The following COL16A1 variants were observed in gnomAD, a reference collection of about 807,000 sequenced individuals.
The protein encoded by COL16A1 is collagen type XVI alpha 1 chain.
COL16A1 carries 189 observed loss-of-function variants against 266.3 expected under a neutral mutation model. The observed-to-expected ratio is 0.71, with a 90% confidence interval of 0.63 to 0.80. The LOEUF is 0.80. Among genes scored for constraint, COL16A1 ranks in the 30% least tolerant of loss-of-function variants. The pLI, the probability that COL16A1 is intolerant of heterozygous loss-of-function variation, is 0.00. For synonymous variants in COL16A1, 740 were observed against 782.3 expected (o/e 0.95, Z 0.90); for missense variants, 1,928 against 2,122.4 (o/e 0.91, Z 1.80).
At chr1:31,655,576 C>T in intron 66 of COL16A1, 74 bp from the exon 67 acceptor site, 8 of 1,580,252 alleles carry the variant, frequency 5.1e-6, no homozygotes, top group African/African-American at 1.3e-5. Context: ...TCTCTCCACC[C>T]TCCCACCAGG....
At chr1:31,661,507 C>T (rs1286045852) in intron 59 of COL16A1, 49 bp from the exon 60 acceptor site, 3 of 1,613,414 alleles carry the variant, frequency 1.9e-6, no homozygotes, top group Non-Finnish European at 2.5e-6. Flanking sequence ...CAGCTGGGGG[C>T]CTCTTCCCAC....
At position 31,653,985 on chromosome 1, in the gene COL16A1, C is replaced by G. The variant is rs775193676; in HGVS notation, c.4416G>C (p.Pro1472=). The change falls in exon 69 of 71, where the codon CCG becomes CCC. Residue 1472 remains proline, a synonymous_variant. Transcript: ENST00000373672. Reference sequence around the variant, plus strand: ...CCTTCCCTGGAGGCCCTGGTCGTCCCGGAGCTGCCGCCATCTCCATGGGGA... The same window carrying G: ...CCTTCCCTGGAGGCCCTGGTCGTCCGGGAGCTGCCGCCATCTCCATGGGGA... The part of the protein sequence containing the change: ...MQFPMEMAAA[P]GRPGPPGKDG... The G allele has an allele frequency of 1.9e-5, 30 of 1,614,090 alleles. No homozygotes were observed. Among genetic ancestry groups the G allele is most frequent in the Non-Finnish European group, 2.4e-5 (28 of 1,180,048 alleles).
intron 37 of COL16A1, among the ~76,000 whole-genome samples, chr1:31,682,347 C>T (rs1438412107): frequency 6.6e-6 from 1 of 152,052 alleles, no homozygotes; most frequent in African/African-American, 2.4e-5. Context: ...GGATCTGTGC[C>T]GTCTGATACA....
At position 31,671,599 on chromosome 1, in the gene COL16A1, CA is replaced by C; in HGVS notation, c.3150+15del. ...TGAGAGCTTCTCAAGCAGACCAGGG[CA>C]CCACTGATACTTACGATAGGGCCTG... On this transcript the variant is annotated intron_variant, in intron 48 of 70. Coordinates refer to ENST00000373672, the MANE Select transcript of COL16A1 (RefSeq NM_001856.4). 1 of 1,614,014 alleles carries C rather than the reference CA, an allele frequency of 6.2e-7. No individual in the cohort carries two copies. Among genetic ancestry groups the C allele is most frequent in the Non-Finnish European group, 8.5e-7 (1 of 1,179,998 alleles).
At chr1:31,667,291 G>A (rs1295149747) in intron 52 of COL16A1, among the ~76,000 whole-genome samples, 1 of 152,188 alleles carries the variant, frequency 6.6e-6, no homozygotes, top group Non-Finnish European at 1.5e-5. Flanking sequence ...GGGTGGCTCT[G>A]GGGAGCTGGG....
intron 68 of COL16A1, 138 bp downstream of exon 68, chr1:31,654,654 C>G: frequency 6.7e-7 from 1 of 1,496,700 alleles, no homozygotes; most frequent in Non-Finnish European, 9.0e-7. Flanking sequence ...ATCTGCCTGT[C>G]AACCCCAGGC....
At position 31,696,178 on chromosome 1, in the gene COL16A1, G is replaced by C. The variant is rs753170556; in HGVS notation, c.865-37C>G. On this transcript the variant is annotated intron_variant, in intron 8 of 70. Transcript: ENST00000373672. ...GAGCAAAGAGAAACCCTTGAGGAGGGGGAAGTTCTGGGGTCCAGGCTGGAA... is the reference window on the plus strand; with the variant it reads ...GAGCAAAGAGAAACCCTTGAGGAGGCGGAAGTTCTGGGGTCCAGGCTGGAA... The C allele has an allele frequency of 8.1e-6, 13 of 1,600,018 alleles. No individual in the cohort carries two copies. In the South Asian group the frequency reaches 1.3e-4, roughly 16 times the overall value.
chr1:31,671,394 A>G (rs74063948), intron 48 of COL16A1, among the ~76,000 whole-genome samples: 8,643 of 152,234 alleles, frequency 0.057, 843 homozygotes, highest in African/African-American at 0.2. Flanking sequence ...ACCTCCCCTA[A>G]GCAGGACCGC....
intron 26 of COL16A1, among the ~76,000 whole-genome samples, chr1:31,687,381 C>CCAA (rs538200951): frequency 1.7e-5 from 1 of 59,784 alleles, no homozygotes; most frequent in African/African-American, 5.8e-5. Context: ...GACTCAGTCT[C>CCAA]AAAAAAAAAA....
At chr1:31,701,179 T>C (rs1387464985) in intron 2 of COL16A1, among the ~76,000 whole-genome samples, 1 of 152,122 alleles carries the variant, frequency 6.6e-6, no homozygotes, top group Non-Finnish European at 1.5e-5. Flanking sequence ...CTCCCCCAGG[T>C]CTGGTCAGAA....
In COL16A1 at chr1:31,668,237, A is replaced by G; in HGVS notation, c.3250-19T>C. 6.2e-7 allele frequency: 1 copy of G among 1,613,214 alleles called. No individual in the cohort carries two copies. The highest frequency in any genetic ancestry group is 8.5e-7 in the Non-Finnish European group (1 of 1,179,368). On this transcript the variant is annotated intron_variant, in intron 50 of 70. Coordinates refer to ENST00000373672, the MANE Select transcript of COL16A1 (RefSeq NM_001856.4). This position sits in a 1 kb window ranked among gnomAD's most constrained non-coding sequence, Gnocchi z 5.8. The stretch of plus-strand genomic sequence containing the variant: ...GAGGACCCTGCAAAGAAAGGCAGAC[A>G]TGATGGATAGCCCCCCAACATTTCT...
chr1:31,699,180 C>T (rs1644625181), intron 4 of COL16A1, among the ~76,000 whole-genome samples: 1 of 152,170 alleles, frequency 6.6e-6, no homozygotes. Flanking sequence ...GCACTGCCTG[C>T]CTTCATGGAG....
Position 31,685,563 on chromosome 1 carries a change from C to A in COL16A1, c.2016+76G>T. ...CAACTGCCCAGGGAGTCAAGAGACC[C>A]AGGCAGGACCCCTCCCCTCTCCTTA... On this transcript the variant is annotated intron_variant, in intron 29 of 70. Transcript: ENST00000373672. This position sits in a 1 kb window ranked among gnomAD's most constrained non-coding sequence, Gnocchi z 4.0. 6.5e-7 allele frequency: 1 copy of A among 1,530,336 alleles called. No homozygotes were observed. The highest frequency in any genetic ancestry group is 8.9e-7 in the Non-Finnish European group (1 of 1,128,348). The allele number at this position is 1,530,336 out of a possible 1,614,324, so 94.8% of individuals were successfully genotyped here.
chr1:31,665,510 C>A, intron 55 of COL16A1, 73 bp downstream of exon 55: 2 of 1,613,056 alleles, frequency 1.2e-6, no homozygotes, highest in Non-Finnish European at 1.7e-6. Flanking sequence ...CTACCCCAGC[C>A]TGGCCTGGTC....
rs778092710 is a variant in COL16A1 at position 31,667,562 on chromosome 1, C to A, written c.3357+13G>T. On this transcript the variant is annotated intron_variant, in intron 52 of 70. Transcript: ENST00000373672. ...TGCAGCCCTGCATCCAGCCCCACGC[C>A]GCTGGGACTCACCGGCTCTCCTTTC... The A allele has an allele frequency of 3.8e-6, 6 of 1,586,746 alleles. No individual in the cohort carries two copies. The highest frequency in any genetic ancestry group is 2.0e-4 in the Middle Eastern group (1 of 5,026).
rs144935446 is a variant in COL16A1 at position 31,664,267 on chromosome 1, C to T, written c.3555+905G>A. ...GGCTCTGGGGAGGTAGTGAGGTGCC[C>T]GGGTCCTCCTGGAGCTGGGAAGGAA... On this transcript the variant is annotated intron_variant, in intron 56 of 70. Coordinates refer to ENST00000373672, the MANE Select transcript of COL16A1 (RefSeq NM_001856.4). This position sits in a 1 kb window ranked among gnomAD's most constrained non-coding sequence, Gnocchi z 5.5. Among the ~76,000 whole-genome samples the T allele has an allele frequency of 7.1e-4, 108 of 152,250 alleles. 1 individual carries two copies. The highest frequency in any genetic ancestry group is 2.4e-3 in the African/African-American group (100 of 41,556).
chr1:31,662,671 G>GCCCCCCC lies in COL16A1; in HGVS notation c.3556-14_3556-13insGGGGGGG. 2.7e-6 allele frequency: 4 copies of GCCCCCCC among 1,463,432 alleles called. No individual in the cohort carries two copies. Among genetic ancestry groups the GCCCCCCC allele is most frequent in the Non-Finnish European group, 2.7e-6 (3 of 1,102,258 alleles). 90.7% of individuals were successfully genotyped at this position (1,463,432 alleles called of 1,614,324 possible). A position where few individuals can be genotyped will look rare whatever the true frequency, so the allele number is the denominator to read the frequency against. ...TCCCTTCGCTGCCCTGGAAACCAGC[G>GCCCCCCC]CCGCCCCCCCCCCCCGCCCCACAAT... On this transcript the variant is annotated splice_polypyrimidine_tract_variant and intron_variant, in intron 56 of 70. Coordinates refer to ENST00000373672, the MANE Select transcript of COL16A1 (RefSeq NM_001856.4).
chr1:31,653,423 C>T (rs1410760657), intron 70 of COL16A1, 176 bp downstream of exon 70: 10 of 723,978 alleles, frequency 1.4e-5, no homozygotes, highest in Non-Finnish European at 2.0e-5. Flanking sequence ...GAGTCTTCCG[C>T]CCCCACATCC....
chr1:31,696,913 A>G (rs745531960), intron 8 of COL16A1, 50 bp downstream of exon 8: 1 of 1,608,878 alleles, frequency 6.2e-7, no homozygotes, highest in African/African-American at 1.3e-5. Flanking sequence ...GGGGAGGGGT[A>G]TCTCACTTGT....
Sources: allele counts gnomAD v4.1 joint callset (sites outside exome capture counted in the v4.1 genomes callset), GRCh38; gene constraint gnomAD v4.1.1; non-coding constraint Gnocchi (gnomAD v3.1); transcripts MANE v1.5; gene names NCBI Gene and HGNC (gene_info 2026-07-23, HGNC 2026-07-21).